Variants in CSRNP3 observed in about 807,000 individuals in gnomAD.
CSRNP3 encodes cysteine and serine rich nuclear protein 3, also known as cysteine/serine-rich nuclear protein 3.
A neutral mutation model predicts 48.0 loss-of-function variants in CSRNP3; 12 were observed. The ratio of observed to expected loss-of-function variants is 0.25; its 90% CI spans 0.16 to 0.41. The LOEUF (loss-of-function observed/expected upper bound fraction) is 0.41. Among genes scored for constraint, CSRNP3 ranks in the 10% least tolerant of loss-of-function variants. The pLI, the probability that CSRNP3 is intolerant of heterozygous loss-of-function variation, is 1.00. For synonymous variants in CSRNP3, 263 were observed against 269.7 expected (o/e 0.98, Z 0.24); for missense variants, 580 against 724.4 (o/e 0.80, Z 2.29).
At chr2:165,587,119 G>C (rs1685645654) in intron 3 of CSRNP3, among the ~76,000 whole-genome samples, 1 of 152,158 alleles carries the variant, frequency 6.6e-6, no homozygotes, top group South Asian at 2.1e-4. Flanking sequence ...GTGCTCACAG[G>C]CTTCTGAGCA....
At chr2:165,492,546 C>G (rs1380791950) in intron 1 of CSRNP3, among the ~76,000 whole-genome samples, 1 of 151,988 alleles carries the variant, frequency 6.6e-6, no homozygotes, top group Non-Finnish European at 1.5e-5. Context: ...GTTCACTGAA[C>G]AACTAAAAAT....
At chr2:165,578,776 A>G (rs1399171785) in intron 3 of CSRNP3, among the ~76,000 whole-genome samples, 1 of 152,110 alleles carries the variant, frequency 6.6e-6, no homozygotes, top group Non-Finnish European at 1.5e-5. Context: ...TGTGTTGTAT[A>G]TTATATGTGA....
At chr2:165,626,704 G>A (rs766891788) in intron 4 of CSRNP3, among the ~76,000 whole-genome samples, 2 of 152,036 alleles carry the variant, frequency 1.3e-5, no homozygotes, top group Admixed American at 6.6e-5. Context: ...CTCTCCTCTT[G>A]GTACCCAGTG....
chr2:165,517,840 C>T (rs1017528003), intron 2 of CSRNP3, 33 bp from the exon 3 acceptor site: 7 of 152,312 alleles, frequency 4.6e-5, no homozygotes, highest in Non-Finnish European at 5.9e-5. Flanking sequence ...CATAACCTTA[C>T]ATAACATTCT....
At chr2:165,527,922 C>CAG (rs753575588) in intron 3 of CSRNP3, among the ~76,000 whole-genome samples, 41 of 140,630 alleles carry the variant, frequency 2.9e-4, no homozygotes, top group African/African-American at 5.0e-4. Flanking sequence ...GACAGGGAGA[C>CAG]AGAGAGAGAG....
At chr2:165,590,571 T>C (rs1685700140) in intron 3 of CSRNP3, among the ~76,000 whole-genome samples, 1 of 152,210 alleles carries the variant, frequency 6.6e-6, no homozygotes, top group Admixed American at 6.5e-5. Context: ...GTAGTTCCCA[T>C]AATCCCCACA....
At chr2:165,599,846 A>G (rs1323653935) in intron 4 of CSRNP3, among the ~76,000 whole-genome samples, 1 of 151,978 alleles carries the variant, frequency 6.6e-6, no homozygotes, top group Non-Finnish European at 1.5e-5. Flanking sequence ...ACTTAAAATG[A>G]TTACTTGTCT....
chr2:165,636,028 A>G (rs1252811880), intron 4 of CSRNP3, among the ~76,000 whole-genome samples: 1 of 152,236 alleles, frequency 6.6e-6, no homozygotes, highest in Non-Finnish European at 1.5e-5. Context: ...CATGGGGAGT[A>G]AGAAATACAC....
intron 2 of CSRNP3, among the ~76,000 whole-genome samples, chr2:165,510,059 T>C (rs1425502464): frequency 6.6e-6 from 1 of 152,214 alleles, no homozygotes; most frequent in East Asian, 1.9e-4. Flanking sequence ...TCATATTGAA[T>C]CATATCGGGG....
chr2:165,624,305 G>A (rs906549137), intron 4 of CSRNP3, among the ~76,000 whole-genome samples: 1 of 152,154 alleles, frequency 6.6e-6, no homozygotes, highest in African/African-American at 2.4e-5. Flanking sequence ...CCCCACACTG[G>A]TTACATGTGG....
At chr2:165,583,579 G>A (rs1685580878) in intron 3 of CSRNP3, among the ~76,000 whole-genome samples, 1 of 152,078 alleles carries the variant, frequency 6.6e-6, no homozygotes, top group African/African-American at 2.4e-5. Context: ...TGTAAAATGA[G>A]GGTAACATGG....
intron 3 of CSRNP3, chr2:165,574,322 A>T: frequency 2.6e-6 from 4 of 1,518,612 alleles, no homozygotes; most frequent in Non-Finnish European, 3.6e-6. Flanking sequence ...AAAAAAATGT[A>T]CTGGGGTTCT....
In CSRNP3 at chr2:165,492,758, A is replaced by G. The variant is rs1684234580; in HGVS notation, c.-282-2001A>G. 2.7e-5 allele frequency among the ~76,000 whole-genome samples: 4 copies of G among 148,776 alleles called. No individual in the cohort carries two copies. In the South Asian group the frequency reaches 8.4e-4, roughly 31 times the overall value. ...AAAAAAAAAAAAAGAACAAAACAAA[A>G]CTTGCTGTCGATGTTGCTTCTTTGT... On this transcript the variant is annotated intron_variant, in intron 1 of 6. Transcript: ENST00000651982.
At chr2:165,527,785 T>C (rs1684757359) in intron 3 of CSRNP3, among the ~76,000 whole-genome samples, 1 of 152,176 alleles carries the variant, frequency 6.6e-6, no homozygotes, top group Non-Finnish European at 1.5e-5. Flanking sequence ...AGTATGTTTA[T>C]TTCATAGATG....
At chr2:165,623,718 A>G (rs1228163606) in intron 4 of CSRNP3, among the ~76,000 whole-genome samples, 3 of 152,180 alleles carry the variant, frequency 2.0e-5, no homozygotes, top group Non-Finnish European at 2.9e-5. Context: ...AGCAACATCT[A>G]CAACCATAAG....
chr2:165,605,584 T>A (rs1685996283), intron 4 of CSRNP3, among the ~76,000 whole-genome samples: 1 of 152,276 alleles, frequency 6.6e-6, no homozygotes, highest in South Asian at 2.1e-4. Context: ...ACTGTTTACA[T>A]TCATATATAA....
At chr2:165,559,895 G>C (rs1318032816) in intron 3 of CSRNP3, among the ~76,000 whole-genome samples, 1 of 150,204 alleles carries the variant, frequency 6.7e-6, no homozygotes, top group South Asian at 2.1e-4. Flanking sequence ...TGCCTCCTGG[G>C]TTCATGCCAT....
chr2:165,676,175 T>TA (rs928774195), intron 5 of CSRNP3, 137 bp from the exon 6 acceptor site: 14 of 711,250 alleles, frequency 2.0e-5, no homozygotes, highest in South Asian at 9.5e-5. Context: ...TCCTAAAGAT[T>TA]AAAAAAATGA....
At chr2:165,579,323 A>G (rs1558939640) in intron 3 of CSRNP3, among the ~76,000 whole-genome samples, 2 of 152,184 alleles carry the variant, frequency 1.3e-5, no homozygotes, top group Admixed American at 6.5e-5. Flanking sequence ...GGCTAAATAG[A>G]TATGTACCTT....
Sources: gnomAD v4.1 joint callset for allele counts (sites outside exome capture counted in the v4.1 genomes callset) on GRCh38, gnomAD v4.1.1 for gene constraint, MANE v1.5 for transcripts, NCBI Gene and HGNC (gene_info 2026-07-23, HGNC 2026-07-21) for gene names.